ADGRV1: variants seen among roughly 807,000 people sequenced by gnomAD.
ADGRV1 encodes G-protein coupled receptor 98.
In ADGRV1, 359 loss-of-function variants were observed where a neutral mutation model predicts 596.2. The ratio of observed to expected loss-of-function variants is 0.60; its 90% CI spans 0.55 to 0.66. The LOEUF is 0.66. Ranked by LOEUF, ADGRV1 falls within the 30% of genes least tolerant of loss-of-function variation. ADGRV1 has a pLI of 0.00. For missense variants in ADGRV1, 7,274 were observed against 7,575.6 expected (o/e 0.96, Z 1.48); for synonymous variants, 2,681 against 2,679.2 (o/e 1.00, Z -0.02).
chr5:90,953,971 T>A (rs1777257309), intron 83 of ADGRV1, among the ~76,000 whole-genome samples: 1 of 152,026 alleles, frequency 6.6e-6, no homozygotes, highest in Admixed American at 6.6e-5. Context: ...GCTATACTCC[T>A]TTATTTTAAC....
rs1773202307 is a variant in ADGRV1 at position 90,675,954 on chromosome 5, C to G, written c.5314-126C>G. 7.7e-6 allele frequency: 5 copies of G among 652,260 alleles called. No homozygotes were observed. The Admixed American group carries it at 1.8e-4, about 24-fold the overall frequency. The allele number at this position is 652,260 out of a possible 1,614,324, so 40.4% of individuals were successfully genotyped here. A position where few individuals can be genotyped will look rare whatever the true frequency, so the allele number is the denominator to read the frequency against. ...TTCAATGTTGTATTTTACTTGTCTT[C>G]TTAGCATTTATAATAATTTGGGATA... is the stretch of plus-strand genomic sequence containing the variant. On this transcript the variant is annotated intron_variant, in intron 24 of 89. Transcript: ENST00000405460.
At position 90,747,127 on chromosome 5, in the gene ADGRV1, A is replaced by G. The variant is rs532956796; in HGVS notation, c.10974+1332A>G. ...TGATCAGTAAGGGCTGTTTGGAGGA[A>G]ATGACAGAATGACAAAGACTGGTGG... On this transcript the variant is annotated intron_variant, in intron 52 of 89. Coordinates refer to ENST00000405460, the MANE Select transcript of ADGRV1 (RefSeq NM_032119.4). Among the ~76,000 whole-genome samples the G allele has an allele frequency of 3.3e-5, 5 of 152,122 alleles. No homozygotes were observed. In the South Asian group the frequency reaches 1.0e-3, roughly 32 times the overall value.
At chr5:91,076,436 C>T (rs1007400297) in intron 86 of ADGRV1, among the ~76,000 whole-genome samples, 2 of 152,128 alleles carry the variant, frequency 1.3e-5, no homozygotes, top group African/African-American at 4.8e-5. Flanking sequence ...GTATTCATCT[C>T]TGTATCCCCA....
At chr5:90,968,030 A>G (rs1778631390) in intron 84 of ADGRV1, among the ~76,000 whole-genome samples, 1 of 152,194 alleles carries the variant, frequency 6.6e-6, no homozygotes. Flanking sequence ...TCCAATGAGA[A>G]GTTGGAAAAC....
chr5:90,840,995 T>G lies in ADGRV1; in HGVS notation c.17019+10T>G, dbSNP rs772887154. 4.3e-6 allele frequency: 6 copies of G among 1,404,078 alleles called. No homozygotes were observed. The East Asian group carries it at 1.5e-4, about 34-fold the overall frequency. 87.0% of individuals were successfully genotyped at this position (1,404,078 alleles called of 1,614,324 possible). ...GCATTTAATAGAAAAGGTAAGTTTT[T>G]GTGAATATTAGTAATTTGTTTAGTG... On this transcript the variant is annotated intron_variant, in intron 78 of 89. Coordinates refer to ENST00000405460, the MANE Select transcript of ADGRV1 (RefSeq NM_032119.4).
intron 85 of ADGRV1, among the ~76,000 whole-genome samples, chr5:91,035,672 T>A (rs952520655): frequency 2.0e-5 from 3 of 151,394 alleles, no homozygotes; most frequent in African/African-American, 7.3e-5. Flanking sequence ...GATGAAATCA[T>A]GTATCTGCCT....
In ADGRV1 at chr5:90,637,728, T is replaced by C. The variant is rs774888516; in HGVS notation, c.2020T>C (p.Tyr674His). 3 of 1,603,158 alleles carry C rather than the reference T, an allele frequency of 1.9e-6. No individual in the cohort carries two copies. The highest frequency in any genetic ancestry group is 2.6e-6 in the Non-Finnish European group (3 of 1,173,442). Residue 674 changes from tyrosine (Y) to histidine (H), a missense_variant, in exon 11 of 90, where the codon TAC becomes CAC. Physicochemically the swap from Tyr to His is moderately conservative, Grantham distance 83 (BLOSUM62 2). This residue lies in a region of ADGRV1 where 1,715 missense variants were observed against 1,708.8 expected (regional missense o/e 1.00). Coordinates refer to ENST00000405460, the MANE Select transcript of ADGRV1 (RefSeq NM_032119.4). ...TCTGTTCTTTTCTTTTTATAAGGTA[T>C]ACATTCCCTTACATCGGGATGGAAC... ...EPEDFAAEVVYIPLHRDGTDG... is the reference protein window; with the variant it reads ...EPEDFAAEVVHIPLHRDGTDG...
intron 67 of ADGRV1, among the ~76,000 whole-genome samples, chr5:90,784,994 G>A (rs1759270796): frequency 6.6e-6 from 1 of 152,240 alleles, no homozygotes; most frequent in Middle Eastern, 3.4e-3. Flanking sequence ...AAAGCTGGAG[G>A]CATCATGCTA....
chr5:90,779,050 C>T lies in ADGRV1; in HGVS notation c.13035C>T (p.Gly4345=), dbSNP rs761256512. The T allele has an allele frequency of 6.2e-7, 1 of 1,612,736 alleles. No homozygotes were observed. Among genetic ancestry groups the T allele is most frequent in the Non-Finnish European group, 8.5e-7 (1 of 1,179,048 alleles). Residue 4345 remains glycine, a synonymous_variant, in exon 64 of 90, where the codon GGC becomes GGT. Transcript: ENST00000405460. The part of the protein sequence containing the change: ...VEILDDDYPE[G]PEEFSLTITK... Reference sequence around the variant, plus strand: ...TCCTTGATGATGACTATCCTGAAGGCCCAGAGGAATTTTCTCTAACAATTA... The same window carrying T: ...TCCTTGATGATGACTATCCTGAAGGTCCAGAGGAATTTTCTCTAACAATTA...
chr5:91,006,839 C>T (rs973762106), intron 85 of ADGRV1, among the ~76,000 whole-genome samples: 4 of 151,992 alleles, frequency 2.6e-5, no homozygotes, highest in African/African-American at 9.7e-5. Flanking sequence ...TGTATCTGGA[C>T]CCAGTTGGAC....
chr5:90,835,870 CAGAA>C (rs1350080258), intron 77 of ADGRV1, among the ~76,000 whole-genome samples: 1 of 151,884 alleles, frequency 6.6e-6, no homozygotes, highest in Non-Finnish European at 1.5e-5. Flanking sequence ...GATCTTTAAA[CAGAA>C]AGGGAATGAT....
chr5:90,895,455 G>A (rs371098497), intron 83 of ADGRV1, among the ~76,000 whole-genome samples: 28 of 152,252 alleles, frequency 1.8e-4, no homozygotes, highest in African/African-American at 6.7e-4. Flanking sequence ...AAAACAACAG[G>A]TGCAAAGGCC....
intron 1 of ADGRV1, among the ~76,000 whole-genome samples, chr5:90,602,297 A>G (rs1171395364): frequency 6.6e-6 from 1 of 152,188 alleles, no homozygotes; most frequent in Non-Finnish European, 1.5e-5. Flanking sequence ...GAAATTTTCG[A>G]AAGGGGAGAG....
chr5:91,080,453 A>G (rs774717804), intron 86 of ADGRV1, among the ~76,000 whole-genome samples: 3 of 152,106 alleles, frequency 2.0e-5, no homozygotes, highest in Non-Finnish European at 4.4e-5. Flanking sequence ...GTTCACATCA[A>G]TACTTCTGCC....
At chr5:90,973,527 G>A (rs559142424) in intron 84 of ADGRV1, among the ~76,000 whole-genome samples, 30 of 152,106 alleles carry the variant, frequency 2.0e-4, no homozygotes, top group Non-Finnish European at 3.8e-4. Flanking sequence ...TTCATCCCTG[G>A]GATGCAAGGC....
chr5:90,837,532 G>A (rs964168964), intron 77 of ADGRV1, among the ~76,000 whole-genome samples: 1 of 151,754 alleles, frequency 6.6e-6, no homozygotes, highest in Middle Eastern at 3.2e-3. Flanking sequence ...CATCATGACC[G>A]GCTAGTTTTT....
intron 1 of ADGRV1, among the ~76,000 whole-genome samples, chr5:90,591,798 A>C (rs1482605128): frequency 6.6e-6 from 1 of 152,260 alleles, no homozygotes; most frequent in Non-Finnish European, 1.5e-5. Flanking sequence ...TAATAAGAAT[A>C]ACACAAGTTA....
chr5:90,871,620 T>C (rs139440860), intron 83 of ADGRV1, among the ~76,000 whole-genome samples: 426 of 152,358 alleles, frequency 2.8e-3, no homozygotes, highest in African/African-American at 9.8e-3. Flanking sequence ...ATCCAGACTT[T>C]ACCAAAAAAT....
intron 83 of ADGRV1, among the ~76,000 whole-genome samples, chr5:90,888,246 GT>G (rs1222910798): frequency 6.6e-6 from 1 of 152,116 alleles, no homozygotes; most frequent in Admixed American, 6.5e-5. Context: ...GTGAGCTAAA[GT>G]GAAAACTGAC....
Sources: gnomAD v4.1 joint callset for allele counts (sites outside exome capture counted in the v4.1 genomes callset) on GRCh38, gnomAD v4.1.1 for gene constraint, gnomAD v4.1.1 regional missense constraint, MANE v1.5 for transcripts, NCBI Gene and HGNC (gene_info 2026-07-23, HGNC 2026-07-21) for gene names.